The following SPRR2F variants were observed in gnomAD, a reference collection of about 807,000 sequenced individuals.
SPRR2F encodes the protein small proline-rich protein 2F.
Under a neutral mutation model 0.8 loss-of-function variants are expected in SPRR2F, and 2 were observed. The ratio of observed to expected loss-of-function variants is 2.52; its 90% CI spans 1.03 to 7.95. SPRR2F has a LOEUF of 7.95. SPRR2F is among the 30% of genes most tolerant of loss of function. SPRR2F has a pLI of 0.04. For synonymous variants in SPRR2F, 39 were observed against 33.4 expected (o/e 1.17, Z -0.58); for missense variants, 80 against 85.8 (o/e 0.93, Z 0.27).
chr1:153,112,724 G>T lies in SPRR2F; in HGVS notation c.10C>A (p.Gln4Lys). Reference protein sequence around the residue: MSYQQQQCKQPCQP... With the variant: MSYKQQQCKQPCQP... ...CAGGGCTGCTTGCACTGCTGCTGTT[G>T]ATAAGACATCCTGCTGGAGTCTCAG... is the stretch of plus-strand genomic sequence containing the variant. Residue 4 changes from glutamine to lysine, a missense_variant, in exon 2 of 2, where the codon CAA (glutamine) becomes AAA (lysine). Transcript: ENST00000468739. The T allele has an allele frequency of 6.2e-7, 1 of 1,611,840 alleles. No individual in the cohort carries two copies. Among genetic ancestry groups the T allele is most frequent in the Non-Finnish European group, 8.5e-7 (1 of 1,179,846 alleles).
chr1:153,114,293 T>C (rs2101632117), upstream of SPRR2F, among the ~76,000 whole-genome samples: 1 of 152,214 alleles, frequency 6.6e-6, no homozygotes, highest in East Asian at 1.9e-4. Context: ...ACAGCCAGTC[T>C]CCCCAGCACA....
chr1:153,114,583 T>C (rs1411532378), upstream of SPRR2F, among the ~76,000 whole-genome samples: 1 of 152,166 alleles, frequency 6.6e-6, no homozygotes, highest in Non-Finnish European at 1.5e-5. Context: ...AAAATACAAA[T>C]TAAGTATAAT....
upstream of SPRR2F, among the ~76,000 whole-genome samples, chr1:153,114,611 C>T (rs1235583925): frequency 2.0e-5 from 3 of 151,918 alleles, no homozygotes; most frequent in Non-Finnish European, 4.4e-5. Context: ...GTATTCTTCC[C>T]CTCTGTTTCT....
intron 1 of SPRR2F, among the ~76,000 whole-genome samples, chr1:153,113,001 T>C (rs750826468): frequency 4.6e-5 from 7 of 152,330 alleles, no homozygotes; most frequent in Non-Finnish European, 8.8e-5. Flanking sequence ...CAACCAAGCA[T>C]GTTATTTCTA....
At chr1:153,116,714 G>A (rs1655727782), upstream of SPRR2F, among the ~76,000 whole-genome samples, 5 of 151,998 alleles carry the variant, frequency 3.3e-5, no homozygotes, top group South Asian at 1.0e-3. Flanking sequence ...GCACCCAATA[G>A]CCATACATGT....
upstream of SPRR2F, among the ~76,000 whole-genome samples, chr1:153,114,271 G>C (rs1655674384): frequency 6.6e-6 from 1 of 152,090 alleles, no homozygotes. Context: ...ACCTGGGACA[G>C]ATTCCAGAGT....
upstream of SPRR2F, among the ~76,000 whole-genome samples, chr1:153,117,061 A>T (rs1473629329): frequency 1.3e-5 from 2 of 152,094 alleles, no homozygotes; most frequent in Non-Finnish European, 2.9e-5. Flanking sequence ...CAAAACTTCA[A>T]GTTTGAGATG....
upstream of SPRR2F, among the ~76,000 whole-genome samples, chr1:153,117,677 A>G (rs1348466495): frequency 2.0e-5 from 3 of 152,104 alleles, no homozygotes; most frequent in Non-Finnish European, 4.4e-5. Flanking sequence ...GAATAATTTC[A>G]AGAGCTATCA....
upstream of SPRR2F, among the ~76,000 whole-genome samples, chr1:153,115,917 A>C (rs781391405): frequency 3.9e-5 from 6 of 152,242 alleles, no homozygotes; most frequent in Non-Finnish European, 7.3e-5. Flanking sequence ...AAAAATGACA[A>C]GAAAGAACAA....
Position 153,112,210 on chromosome 1 carries a change from A to G in SPRR2F, c.*305T>C. Reference sequence around the variant, plus strand: ...TCATGCCCAGGGGACAGACAGACACAGAAAACATCAACAGAATTCTCTAAT... The same window carrying G: ...TCATGCCCAGGGGACAGACAGACACGGAAAACATCAACAGAATTCTCTAAT... On this transcript the variant is annotated 3_prime_UTR_variant, in exon 2 of 2. Coordinates refer to ENST00000468739, the MANE Select transcript of SPRR2F (RefSeq NM_001014450.3). The G allele has an allele frequency of 2.2e-6, 1 of 454,500 alleles. No homozygotes were observed. Among genetic ancestry groups the G allele is most frequent in the Non-Finnish European group, 3.8e-6 (1 of 263,468 alleles). The allele number at this position is 454,500 out of a possible 1,614,324, so 28.2% of individuals were successfully genotyped here.
chr1:153,117,425 T>A (rs923048834), upstream of SPRR2F, among the ~76,000 whole-genome samples: 3 of 152,162 alleles, frequency 2.0e-5, no homozygotes, highest in African/African-American at 7.2e-5. Flanking sequence ...TATTTAGCAT[T>A]CTGTATAAAA....
In SPRR2F at chr1:153,112,675, G is replaced by A. The variant is rs115474664; in HGVS notation, c.59C>T (p.Ala20Val). Residue 20 changes from alanine to valine, a missense_variant, in exon 2 of 2, where the codon GCG (alanine) becomes GTG (valine). Coordinates refer to ENST00000468739, the MANE Select transcript of SPRR2F (RefSeq NM_001014450.3). The stretch of plus-strand genomic sequence containing the variant: ...TGGACATGGCTCTGGGCACTTTGGC[G>A]CGGGGCACACAGGAGGTGGCTGGCA... ...QPCQPPPVCP[A>V]PKCPEPCPPP... The A allele has an allele frequency of 8.3e-3, 13,398 of 1,612,300 alleles. 884 individuals are homozygous for A. In the African/African-American group the frequency reaches 0.15, roughly 18 times the overall value.
At chr1:153,118,604 C>T in the SPRR2F span, among the ~76,000 whole-genome samples, 2 of 151,974 alleles carry the variant, frequency 1.3e-5, no homozygotes, top group East Asian at 1.9e-4. Context: ...CCTAGAATTT[C>T]GCTTCTGGCA....
chr1:153,113,128 A>G (rs1448049145), intron 1 of SPRR2F, among the ~76,000 whole-genome samples: 1 of 152,250 alleles, frequency 6.6e-6, no homozygotes, highest in Non-Finnish European at 1.5e-5. Flanking sequence ...ATAGGCACAC[A>G]GAAAACGACT....
Position 153,112,395 on chromosome 1 carries a change from G to A in SPRR2F, c.*120C>T, listed in dbSNP as rs1655609416. 6.7e-7 allele frequency: 1 copy of A among 1,494,376 alleles called. No homozygotes were observed. The highest frequency in any genetic ancestry group is 2.2e-5 in the Admixed American group (1 of 45,190). The allele number at this position is 1,494,376 out of a possible 1,614,324, so 92.6% of individuals were successfully genotyped here. ...TCATCACAGGCCGATCACAGGCTAA[G>A]AGGAAAGAAGCTCCCTGTGTATCCC... On this transcript the variant is annotated 3_prime_UTR_variant, in exon 2 of 2. Coordinates refer to ENST00000468739, the MANE Select transcript of SPRR2F (RefSeq NM_001014450.3).
At chr1:153,116,370 T>C (rs1014849912), upstream of SPRR2F, among the ~76,000 whole-genome samples, 12 of 152,148 alleles carry the variant, frequency 7.9e-5, no homozygotes, top group Admixed American at 7.9e-4. Flanking sequence ...GTGATTCTGT[T>C]TGGTTGGTGT....
upstream of SPRR2F, among the ~76,000 whole-genome samples, chr1:153,115,584 A>G (rs1011117626): frequency 2.0e-5 from 3 of 152,070 alleles, no homozygotes; most frequent in East Asian, 5.8e-4. Flanking sequence ...GACCAGCTAC[A>G]TGAGGAATGG....
upstream of SPRR2F, among the ~76,000 whole-genome samples, chr1:153,117,366 A>T (rs1428074193): frequency 6.6e-6 from 1 of 152,064 alleles, no homozygotes; most frequent in Non-Finnish European, 1.5e-5. Flanking sequence ...TAAATACAAT[A>T]AATGCAATAT....
upstream of SPRR2F, among the ~76,000 whole-genome samples, chr1:153,116,445 T>C (rs918543446): frequency 6.6e-6 from 1 of 152,206 alleles, no homozygotes; most frequent in Non-Finnish European, 1.5e-5. Flanking sequence ...TTACCTATTA[T>C]TTTGTAAAGA....
Sources: gnomAD v4.1 joint callset for allele counts (sites outside exome capture counted in the v4.1 genomes callset) on GRCh38, gnomAD v4.1.1 for gene constraint, MANE v1.5 for transcripts, NCBI Gene and HGNC (gene_info 2026-07-23, HGNC 2026-07-21) for gene names.